XKR4: variants seen among roughly 807,000 people sequenced by gnomAD.
XKR4 encodes the protein XK-related protein 4.
A neutral mutation model predicts 53.9 loss-of-function variants in XKR4; 12 were observed. The observed-to-expected ratio is 0.22, with a 90% CI of 0.14 to 0.36. The LOEUF (loss-of-function observed/expected upper bound fraction) is 0.36, where lower values mean the gene tolerates loss of function less well. Ranked by LOEUF, XKR4 falls within the 10% of genes least tolerant of loss-of-function variation. XKR4 has a pLI of 1.00. For synonymous variants in XKR4, 354 were observed against 362.4 expected, an observed-to-expected ratio of 0.98 and a Z score of 0.26; for missense variants, 799 against 859.5, an observed-to-expected ratio of 0.93 and a Z score of 0.88.
chr8:55,117,311 T>C (rs979381106), intron 1 of XKR4, among the ~76,000 whole-genome samples: 2 of 152,192 alleles, frequency 1.3e-5, no homozygotes, highest in Non-Finnish European at 2.9e-5. Flanking sequence ...TGAGTTATTT[T>C]GCTGCTGAGG....
At chr8:55,343,833 G>A (rs948143111) in intron 1 of XKR4, among the ~76,000 whole-genome samples, 2 of 152,148 alleles carry the variant, frequency 1.3e-5, no homozygotes, top group African/African-American at 2.4e-5. Context: ...TCTTCCCCTA[G>A]AATGGATGAA....
At chr8:55,392,267 G>A (rs893625496) in intron 2 of XKR4, among the ~76,000 whole-genome samples, 5 of 152,104 alleles carry the variant, frequency 3.3e-5, no homozygotes, top group African/African-American at 1.2e-4. Flanking sequence ...TTGGAGGAAT[G>A]GTGGGTTCCC....
At chr8:55,113,702 G>T (rs1212727960) in intron 1 of XKR4, among the ~76,000 whole-genome samples, 2 of 152,146 alleles carry the variant, frequency 1.3e-5, no homozygotes, top group South Asian at 4.1e-4. Context: ...CCCAATAGGT[G>T]GCATTTCATT....
intron 1 of XKR4, among the ~76,000 whole-genome samples, chr8:55,166,015 A>G (rs534030551): frequency 2.6e-4 from 40 of 152,220 alleles, no homozygotes; most frequent in African/African-American, 8.4e-4. Flanking sequence ...GTTGTCAGAA[A>G]TGACTTTGGC....
At chr8:55,165,867 A>G (rs1817058046) in intron 1 of XKR4, among the ~76,000 whole-genome samples, 1 of 152,212 alleles carries the variant, frequency 6.6e-6, no homozygotes. Context: ...TTGAAGGTCA[A>G]AGAGGTTTAT....
chr8:55,203,160 T>C (rs1366613244), intron 1 of XKR4, among the ~76,000 whole-genome samples: 1 of 152,130 alleles, frequency 6.6e-6, no homozygotes. Context: ...GCACCAGCTG[T>C]GATTCATTGT....
rs915356592 is a variant in XKR4 at position 55,532,247 on chromosome 8, A to G, written c.*8020A>G. 3 of 152,200 alleles carry G rather than the reference A, an allele frequency of 2.0e-5. No individual in the cohort carries two copies. Among genetic ancestry groups the G allele is most frequent in the Non-Finnish European group, 4.4e-5 (3 of 68,036 alleles). 9.4% of individuals were successfully genotyped at this position (152,200 alleles called of 1,614,324 possible). A position where few individuals can be genotyped will look rare whatever the true frequency, so the allele number is the denominator to read the frequency against. Reference sequence around the variant, plus strand: ...GTTGACCTAATAAATGTTACAAGGTACCATGATCTCTAGGTTCATGCCACC... The same window carrying G: ...GTTGACCTAATAAATGTTACAAGGTGCCATGATCTCTAGGTTCATGCCACC... On this transcript the variant is annotated 3_prime_UTR_variant, in exon 3 of 3. Coordinates refer to ENST00000327381, the MANE Select transcript of XKR4 (RefSeq NM_052898.2).
chr8:55,403,205 G>T (rs1344028454), intron 2 of XKR4, among the ~76,000 whole-genome samples: 1 of 152,152 alleles, frequency 6.6e-6, no homozygotes, highest in Non-Finnish European at 1.5e-5. Flanking sequence ...TGTCATATCA[G>T]CTTCAAGCAT....
chr8:55,523,380 A>C lies in XKR4; in HGVS notation c.1106A>C (p.Tyr369Ser). The change falls in exon 3 of 3, where the codon TAC becomes TCC. Residue 369 changes from tyrosine to serine, a missense_variant. Coordinates refer to ENST00000327381, the MANE Select transcript of XKR4 (RefSeq NM_052898.2). The part of the protein sequence containing the change: ...DSRDDKKPIS[Y>S]MAVIIQFCWH... Reference sequence around the variant, plus strand: ...CGAGATGACAAGAAGCCCATCAGCTACATGGCCGTCATCATCCAGTTCTGC... The same window carrying C: ...CGAGATGACAAGAAGCCCATCAGCTCCATGGCCGTCATCATCCAGTTCTGC... 6.2e-7 allele frequency: 1 copy of C among 1,614,234 alleles called. No homozygotes were observed. Among genetic ancestry groups the C allele is most frequent in the Non-Finnish European group, 8.5e-7 (1 of 1,180,036 alleles).
chr8:55,320,848 C>A (rs926368584), intron 1 of XKR4, among the ~76,000 whole-genome samples: 2 of 152,118 alleles, frequency 1.3e-5, no homozygotes, highest in African/African-American at 4.8e-5. Flanking sequence ...CAGAAGGCTT[C>A]TGTCGTAGTT....
rs763446291 is a variant in XKR4 at position 55,541,894 on chromosome 8, A to G, written c.*17667A>G. ...TAGTTTGAAGCACAGTGTGTGGAGTATTTGATGTACTACAGTACCATAGTT... is the reference window on the plus strand; with the variant it reads ...TAGTTTGAAGCACAGTGTGTGGAGTGTTTGATGTACTACAGTACCATAGTT... On this transcript the variant is annotated 3_prime_UTR_variant, in exon 3 of 3. Transcript: ENST00000327381. 25 of 152,146 alleles carry G rather than the reference A, an allele frequency of 1.6e-4. No individual in the cohort carries two copies. Among genetic ancestry groups the G allele is most frequent in the Admixed American group, 2.6e-4 (4 of 15,266 alleles). The allele number at this position is 152,146 out of a possible 1,614,324, so 9.4% of individuals were successfully genotyped here.
intron 1 of XKR4, among the ~76,000 whole-genome samples, chr8:55,195,570 A>T (rs530619693): frequency 7.9e-5 from 12 of 152,126 alleles, no homozygotes; most frequent in Non-Finnish European, 1.5e-4. Context: ...CTAGTTTTTT[A>T]AAAACCGTTT....
intron 1 of XKR4, among the ~76,000 whole-genome samples, chr8:55,222,149 T>A (rs1817889577): frequency 6.6e-6 from 1 of 152,246 alleles, no homozygotes; most frequent in Non-Finnish European, 1.5e-5. Context: ...AGTTGTAGCA[T>A]GTGTAGTCTC....
At chr8:55,218,775 T>G (rs552657608) in intron 1 of XKR4, among the ~76,000 whole-genome samples, 4 of 152,216 alleles carry the variant, frequency 2.6e-5, no homozygotes, top group Non-Finnish European at 5.9e-5. Flanking sequence ...CAGTAGATAA[T>G]GATTCTACAG....
chr8:55,279,718 C>G lies in XKR4; in HGVS notation c.807-77960C>G, dbSNP rs193189822. 3.1e-3 allele frequency among the ~76,000 whole-genome samples: 479 copies of G among 152,218 alleles called. 2 individuals are homozygous for G. Among genetic ancestry groups the G allele is most frequent in the Admixed American group, 5.3e-3 (81 of 15,292 alleles). Reference sequence around the variant, plus strand: ...CTGGGGACAGCTGTTCGCCTCAGCCCGTCAGCCAGGGCACACAGTCTTCAT... The same window carrying G: ...CTGGGGACAGCTGTTCGCCTCAGCCGGTCAGCCAGGGCACACAGTCTTCAT... On this transcript the variant is annotated intron_variant, in intron 1 of 2. Transcript: ENST00000327381.
chr8:55,479,002 G>A (rs868166293), intron 2 of XKR4, among the ~76,000 whole-genome samples: 86 of 152,076 alleles, frequency 5.7e-4, no homozygotes, highest in African/African-American at 2.0e-3. Context: ...TAAACAGAAA[G>A]TTAACAAGGA....
intron 2 of XKR4, among the ~76,000 whole-genome samples, chr8:55,389,879 C>T (rs1225755405): frequency 6.6e-6 from 1 of 152,190 alleles, no homozygotes; most frequent in African/African-American, 2.4e-5. Flanking sequence ...CTAGTGCCTA[C>T]TGGAGCCCAC....
At chr8:55,373,604 C>T (rs1303824960) in intron 2 of XKR4, among the ~76,000 whole-genome samples, 1 of 152,128 alleles carries the variant, frequency 6.6e-6, no homozygotes, top group Non-Finnish European at 1.5e-5. Context: ...AGGGGCACCT[C>T]CAGATATTTG....
At chr8:55,283,148 C>T (rs911646875) in intron 1 of XKR4, among the ~76,000 whole-genome samples, 1 of 152,096 alleles carries the variant, frequency 6.6e-6, no homozygotes, top group African/African-American at 2.4e-5. Flanking sequence ...CTATGATGTT[C>T]ACATAATGAT....
Sources: gnomAD v4.1 joint callset for allele counts (sites outside exome capture counted in the v4.1 genomes callset) on GRCh38, gnomAD v4.1.1 for gene constraint, MANE v1.5 for transcripts, NCBI Gene and HGNC (gene_info 2026-07-23, HGNC 2026-07-21) for gene names.